SNTA1: variants seen among roughly 807,000 people sequenced by gnomAD.
SNTA1 encodes syntrophin alpha 1, also known as alpha-1-syntrophin.
SNTA1 carries 31 observed loss-of-function variants against 47.1 expected under a neutral mutation model. That is an observed-to-expected ratio of 0.66 (90% CI 0.49 to 0.89). SNTA1 has a LOEUF of 0.89. Among genes scored for constraint, SNTA1 ranks in the 40% least tolerant of loss-of-function variants. The probability of loss-of-function intolerance (pLI) is 0.00; values close to 1 mark genes in which losing one functional copy is unlikely to be tolerated. For synonymous variants in SNTA1, 300 were observed against 313.6 expected, an observed-to-expected ratio of 0.96 and a Z score of 0.46; for missense variants, 575 against 693.0, an observed-to-expected ratio of 0.83 and a Z score of 1.91.
chr20:33,422,862 GC>G (rs1465562640), intron 2 of SNTA1, among the ~76,000 whole-genome samples: 2 of 152,134 alleles, frequency 1.3e-5, no homozygotes, highest in African/African-American at 4.8e-5. Context: ...AGGTGCCATA[GC>G]CCAGGAGACA....
chr20:33,430,262 T>G (rs1990269201), intron 2 of SNTA1, among the ~76,000 whole-genome samples: 1 of 151,766 alleles, frequency 6.6e-6, no homozygotes, highest in Non-Finnish European at 1.5e-5. Flanking sequence ...ATATCCTTAT[T>G]TATGTTCATT....
At chr20:33,415,634 A>G (rs1489875979) in intron 3 of SNTA1, among the ~76,000 whole-genome samples, 1 of 151,562 alleles carries the variant, frequency 6.6e-6, no homozygotes, top group Non-Finnish European at 1.5e-5. Flanking sequence ...ATACAAAAAA[A>G]AAAAAAATTA....
intron 2 of SNTA1, 146 bp downstream of exon 2, chr20:33,438,695 G>T: frequency 1.3e-6 from 1 of 768,610 alleles, no homozygotes; most frequent in Non-Finnish European, 2.3e-6. Flanking sequence ...TCTTCAGGCA[G>T]GTCCCCAAAT....
chr20:33,425,088 C>T (rs1990134294), intron 2 of SNTA1, among the ~76,000 whole-genome samples: 1 of 151,566 alleles, frequency 6.6e-6, no homozygotes, highest in African/African-American at 2.4e-5. Context: ...TGCACTCCAC[C>T]CTAGGTGACA....
chr20:33,412,153 G>A, intron 5 of SNTA1, 143 bp downstream of exon 5: 1 of 882,338 alleles, frequency 1.1e-6, no homozygotes, highest in Non-Finnish European at 1.7e-6. Context: ...GGAAACTGAG[G>A]CCCAGACAGG....
chr20:33,408,374 G>A lies in SNTA1; in HGVS notation c.*133C>T, dbSNP rs1224291252. On this transcript the variant is annotated 3_prime_UTR_variant, in exon 8 of 8. Coordinates refer to ENST00000217381, the MANE Select transcript of SNTA1 (RefSeq NM_003098.3). The stretch of plus-strand genomic sequence containing the variant: ...CCAAGACCAATCCAGTCTCCCTCAG[G>A]GTTGGGGTTTCGGAGGCCCTTGTTC... 2 of 724,686 alleles carry A rather than the reference G, an allele frequency of 2.8e-6. No homozygotes were observed. The highest frequency in any genetic ancestry group is 2.7e-5 in the East Asian group (1 of 37,126). 44.9% of individuals were successfully genotyped at this position (724,686 alleles called of 1,614,324 possible). A position where few individuals can be genotyped will look rare whatever the true frequency, so the allele number is the denominator to read the frequency against.
rs114668197 is a variant in SNTA1, at chr20:33,433,912, T to C, written c.496+4929A>G. 2.8e-3 allele frequency among the ~76,000 whole-genome samples: 419 copies of C among 152,256 alleles called. 1 individual carries two copies. Among genetic ancestry groups the C allele is most frequent in the African/African-American group, 9.5e-3 (396 of 41,548 alleles). On this transcript the variant is annotated intron_variant, in intron 2 of 7. Coordinates refer to ENST00000217381, the MANE Select transcript of SNTA1 (RefSeq NM_003098.3). The stretch of plus-strand genomic sequence containing the variant: ...GCTGAGGCTCAGCTGAGCCCCCAAC[T>C]TAGGCCAGGGAAGTAAGGCTCTAGC...
intron 2 of SNTA1, among the ~76,000 whole-genome samples, chr20:33,420,940 C>T (rs1279845571): frequency 2.7e-5 from 4 of 149,778 alleles, no homozygotes; most frequent in South Asian, 2.1e-4. Flanking sequence ...GCCAAGATTG[C>T]GCCACTGCAC....
chr20:33,426,437 C>T (rs1246569327), intron 2 of SNTA1, among the ~76,000 whole-genome samples: 2 of 120,514 alleles, frequency 1.7e-5, no homozygotes, highest in Non-Finnish European at 3.4e-5. Context: ...GGTGACAGAG[C>T]GAGACTCCTT....
chr20:33,432,365 C>T (rs1990330743), intron 2 of SNTA1, among the ~76,000 whole-genome samples: 1 of 152,202 alleles, frequency 6.6e-6, no homozygotes, highest in African/African-American at 2.4e-5. Flanking sequence ...CAGTCAAGCT[C>T]AGCATGATTC....
Position 33,408,449 on chromosome 20 carries a change from G to A in SNTA1, c.*58C>T. The A allele has an allele frequency of 2.4e-6, 3 of 1,245,208 alleles. No homozygotes were observed. Among genetic ancestry groups the A allele is most frequent in the Non-Finnish European group, 3.5e-6 (3 of 846,574 alleles). 77.1% of individuals were successfully genotyped at this position (1,245,208 alleles called of 1,614,324 possible). ...AGGGGTGAGCAGGCAGTCGGTGGAG[G>A]CCCAGCTCAGGCCATGTCATGGACA... is the stretch of plus-strand genomic sequence containing the variant. On this transcript the variant is annotated 3_prime_UTR_variant, in exon 8 of 8. Coordinates refer to ENST00000217381, the MANE Select transcript of SNTA1 (RefSeq NM_003098.3).
At chr20:33,425,814 G>A (rs1990155141) in intron 2 of SNTA1, among the ~76,000 whole-genome samples, 1 of 152,224 alleles carries the variant, frequency 6.6e-6, no homozygotes, top group African/African-American at 2.4e-5. Flanking sequence ...GCTCCCGCCT[G>A]TAATCCCAGT....
chr20:33,434,121 T>C (rs771619639), intron 2 of SNTA1, among the ~76,000 whole-genome samples: 7 of 152,154 alleles, frequency 4.6e-5, no homozygotes, highest in African/African-American at 9.6e-5. Context: ...TGTTGAACAA[T>C]GTGGTCAGTG....
At chr20:33,425,144 G>A (rs1276255137) in intron 2 of SNTA1, among the ~76,000 whole-genome samples, 1 of 151,994 alleles carries the variant, frequency 6.6e-6, no homozygotes, top group Non-Finnish European at 1.5e-5. Context: ...GGGCATGGTA[G>A]AGCACACCTG....
At chr20:33,435,388 G>A (rs999098666) in intron 2 of SNTA1, among the ~76,000 whole-genome samples, 1 of 151,232 alleles carries the variant, frequency 6.6e-6, no homozygotes, top group African/African-American at 2.4e-5. Context: ...ACTGAGGCCG[G>A]GAGTTCGAGA....
intron 2 of SNTA1, among the ~76,000 whole-genome samples, chr20:33,435,631 A>C (rs1418832665): frequency 6.6e-6 from 1 of 152,010 alleles, no homozygotes; most frequent in African/African-American, 2.4e-5. Context: ...GATAGTGTTT[A>C]TGTTTTGTCT....
Position 33,443,707 on chromosome 20 carries a change from G to T in SNTA1, c.-87C>A. ...GACCAAGCGCCCAGGGCAGAGGGCA[G>T]CGGGGGCCCGGCTGGGCCAGCCGCC... On this transcript the variant is annotated 5_prime_UTR_variant, in exon 1 of 8. In the 5' UTR this introduces an upstream ATG that the reference lacks. Coordinates refer to ENST00000217381, the MANE Select transcript of SNTA1 (RefSeq NM_003098.3). 1 of 870,542 alleles carries T rather than the reference G, an allele frequency of 1.1e-6. No homozygotes were observed. The highest frequency in any genetic ancestry group is 1.4e-6 in the Non-Finnish European group (1 of 690,804). The allele number at this position is 870,542 out of a possible 1,614,324, so 53.9% of individuals were successfully genotyped here.
intron 5 of SNTA1, among the ~76,000 whole-genome samples, chr20:33,411,019 G>C (rs1008590145): frequency 6.6e-6 from 1 of 152,080 alleles, no homozygotes; most frequent in Non-Finnish European, 1.5e-5. Context: ...GGAGACATGG[G>C]GGACAAGGAC....
rs543239679 is a variant in SNTA1 at position 33,431,158 on chromosome 20, G to C, written c.496+7683C>G. ...TGCCTGTAGTCCCAGCTACTGGAGAGGCTGTGGTGGGAGGATCACTTGAGC... is the reference window on the plus strand; with the variant it reads ...TGCCTGTAGTCCCAGCTACTGGAGACGCTGTGGTGGGAGGATCACTTGAGC... On this transcript the variant is annotated intron_variant, in intron 2 of 7. Transcript: ENST00000217381. Among the ~76,000 whole-genome samples the C allele has an allele frequency of 2.0e-4, 30 of 152,206 alleles. 2 individuals are homozygous for C. In the South Asian group the frequency reaches 5.6e-3, roughly 28 times the overall value.
Sources: allele counts gnomAD v4.1 joint callset (sites outside exome capture counted in the v4.1 genomes callset), GRCh38; gene constraint gnomAD v4.1.1; transcripts MANE v1.5; gene names NCBI Gene and HGNC (gene_info 2026-07-23, HGNC 2026-07-21).